EBF1: variants seen among roughly 807,000 people sequenced by gnomAD.
EBF1 encodes the protein transcription factor COE1.
A neutral mutation model predicts 68.4 loss-of-function variants in EBF1; 10 were observed. The ratio of observed to expected loss-of-function variants is 0.15; its 90% CI spans 0.09 to 0.25. The LOEUF is 0.25. EBF1 is among the 10% of genes least tolerant of loss of function. EBF1 has a pLI of 1.00. For synonymous variants in EBF1, 298 were observed against 299.8 expected (o/e 0.99, Z 0.06); for missense variants, 509 against 794.4 (o/e 0.64, Z 4.32).
intron 10 of EBF1, among the ~76,000 whole-genome samples, chr5:158,736,569 T>C (rs988643269): frequency 6.6e-6 from 1 of 152,216 alleles, no homozygotes; most frequent in Non-Finnish European, 1.5e-5. Context: ...CTAGACTCTA[T>C]GCCAAGTAAT....
chr5:158,898,858 T>G (rs1802699807), intron 6 of EBF1, among the ~76,000 whole-genome samples: 1 of 152,206 alleles, frequency 6.6e-6, no homozygotes, highest in Admixed American at 6.5e-5. Context: ...GTGGTGGTCC[T>G]ACCAGCCCTG....
chr5:158,893,599 AT>A (rs1406266503), intron 6 of EBF1, among the ~76,000 whole-genome samples: 25 of 152,204 alleles, frequency 1.6e-4, no homozygotes, highest in Non-Finnish European at 2.8e-4. Flanking sequence ...TACATGAAGA[AT>A]CTGCTCACTT....
intron 6 of EBF1, among the ~76,000 whole-genome samples, chr5:159,044,932 ACC>A (rs1772031422): frequency 6.6e-6 from 1 of 152,204 alleles, no homozygotes; most frequent in Admixed American, 6.5e-5. Flanking sequence ...TCTTCAATGT[ACC>A]AGAGCTAAAA....
At chr5:158,796,553 G>C (rs929604297) in intron 8 of EBF1, 78 bp from the exon 9 acceptor site, 5 of 1,443,702 alleles carry the variant, frequency 3.5e-6, no homozygotes, top group Non-Finnish European at 4.6e-6. Flanking sequence ...TTGAGAAAAA[G>C]GAAAAAAAAA....
intron 5 of EBF1, among the ~76,000 whole-genome samples, chr5:159,077,304 T>C (rs1778947095): frequency 6.6e-6 from 1 of 152,076 alleles, no homozygotes; most frequent in African/African-American, 2.4e-5. Flanking sequence ...CTGGGTGTGG[T>C]GGTGGGTGCC....
chr5:158,998,104 A>G (rs530425454), intron 6 of EBF1, among the ~76,000 whole-genome samples: 22 of 151,918 alleles, frequency 1.4e-4, no homozygotes, highest in African/African-American at 5.3e-4. Flanking sequence ...CCTTTTTTCC[A>G]TGCTCCCAAT....
intron 6 of EBF1, among the ~76,000 whole-genome samples, chr5:158,878,042 G>T (rs1240868469): frequency 1.3e-5 from 2 of 151,674 alleles, no homozygotes; most frequent in African/African-American, 4.8e-5. Context: ...AAGAAAACTT[G>T]TCACTGCTCA....
chr5:158,901,727 A>T (rs1041443014), intron 6 of EBF1, among the ~76,000 whole-genome samples: 3 of 152,182 alleles, frequency 2.0e-5, no homozygotes, highest in African/African-American at 7.2e-5. Flanking sequence ...AGATATGAAA[A>T]GGGAGGTATA....
At chr5:158,847,035 T>C (rs1198268477) in intron 6 of EBF1, among the ~76,000 whole-genome samples, 6 of 152,112 alleles carry the variant, frequency 3.9e-5, no homozygotes, top group Admixed American at 3.9e-4. Flanking sequence ...GGGGAGAGCA[T>C]GTGGCTGCCC....
chr5:158,771,826 A>G (rs4704957), intron 10 of EBF1, among the ~76,000 whole-genome samples: 31,450 of 152,102 alleles, frequency 0.21, 3,750 homozygotes, highest in African/African-American at 0.32. Flanking sequence ...TCCAGAGCAC[A>G]TAAGCAACTT....
intron 11 of EBF1, among the ~76,000 whole-genome samples, chr5:158,716,034 G>A (rs1760621534): frequency 6.6e-6 from 1 of 152,140 alleles, no homozygotes; most frequent in Non-Finnish European, 1.5e-5. Flanking sequence ...AGCGTGATGA[G>A]GCACAGAAAG....
chr5:158,749,671 C>G (rs1481291805), intron 10 of EBF1, among the ~76,000 whole-genome samples: 1 of 152,138 alleles, frequency 6.6e-6, no homozygotes, highest in Non-Finnish European at 1.5e-5. Flanking sequence ...TTGGGGAAAA[C>G]AGGTAATACT....
At chr5:159,047,032 C>T (rs768858068) in intron 6 of EBF1, among the ~76,000 whole-genome samples, 7 of 152,190 alleles carry the variant, frequency 4.6e-5, no homozygotes, top group East Asian at 1.9e-4. Context: ...GATATTACTG[C>T]GTACCGAGTG....
intron 6 of EBF1, among the ~76,000 whole-genome samples, chr5:158,942,773 G>C (rs1253662125): frequency 1.3e-5 from 2 of 151,604 alleles, no homozygotes; most frequent in African/African-American, 4.9e-5. Flanking sequence ...ATGACCCAGG[G>C]TTGGCGCCAT....
intron 10 of EBF1, among the ~76,000 whole-genome samples, chr5:158,761,274 ACAT>A (rs1411189423): frequency 1.3e-5 from 2 of 152,212 alleles, no homozygotes; most frequent in Non-Finnish European, 2.9e-5. Flanking sequence ...AGTGTTTAAA[ACAT>A]CAGCAAATCA....
rs1778178785 is a variant in EBF1 at position 159,073,390 on chromosome 5, C to T, written c.554+6G>A. ...AAGAATCCAGTGAAAGAAGAGTGGT[C>T]CCTACCTGTCAATTATCACTGGATC... On this transcript the variant is annotated splice_donor_region_variant and intron_variant, in intron 6 of 15. Coordinates refer to ENST00000313708, the MANE Select transcript of EBF1 (RefSeq NM_024007.5). 2 of 1,613,812 alleles carry T rather than the reference C, an allele frequency of 1.2e-6. No homozygotes were observed. Among genetic ancestry groups the T allele is most frequent in the South Asian group, 1.1e-5 (1 of 91,068 alleles).
At chr5:158,771,458 C>T (rs924238281) in intron 10 of EBF1, among the ~76,000 whole-genome samples, 1 of 152,092 alleles carries the variant, frequency 6.6e-6, no homozygotes, top group Non-Finnish European at 1.5e-5. Flanking sequence ...CTCTTATTTA[C>T]ATTCCATGTT....
intron 6 of EBF1, among the ~76,000 whole-genome samples, chr5:158,945,480 A>C (rs1814450863): frequency 6.6e-6 from 1 of 152,186 alleles, no homozygotes; most frequent in Non-Finnish European, 1.5e-5. Context: ...AAAATTCTTT[A>C]AGAATGTTGA....
chr5:158,984,121 A>G (rs574047591), intron 6 of EBF1, among the ~76,000 whole-genome samples: 2 of 152,256 alleles, frequency 1.3e-5, no homozygotes, highest in Non-Finnish European at 2.9e-5. Flanking sequence ...ATCTCAAGAA[A>G]CACTTCTTAA....
Sources: allele counts gnomAD v4.1 joint callset (sites outside exome capture counted in the v4.1 genomes callset), GRCh38; gene constraint gnomAD v4.1.1; transcripts MANE v1.5; gene names NCBI Gene and HGNC (gene_info 2026-07-23, HGNC 2026-07-21).